IPO7: variants seen among roughly 807,000 people sequenced by gnomAD.
IPO7 encodes importin-7.
Under a neutral mutation model 136.4 loss-of-function variants are expected in IPO7, and 13 were observed. That is an observed-to-expected ratio of 0.10 (90% CI 0.06 to 0.15). IPO7 has a LOEUF of 0.15. Among genes scored for constraint, IPO7 ranks in the 10% least tolerant of loss-of-function variants. The pLI is 1.00. For synonymous variants in IPO7, 403 were observed against 404.4 expected (o/e 1.00, Z 0.04); for missense variants, 857 against 1,240.6 (o/e 0.69, Z 4.65).
Position 9,413,826 on chromosome 11 carries a change from C to G in IPO7, c.480-429C>G, listed in dbSNP as rs912533500. Among the ~76,000 whole-genome samples, 2 of 151,298 alleles carry G rather than the reference C, an allele frequency of 1.3e-5. 1 individual carries two copies. The highest frequency in any genetic ancestry group is 2.9e-5 in the Non-Finnish European group (2 of 67,948). The stretch of plus-strand genomic sequence containing the variant: ...ATTATATTTGTGTGAATAGTAGCAG[C>G]TGATAAATAAAAAATTTCATTATGC... On this transcript the variant is annotated intron_variant, in intron 4 of 24. Coordinates refer to ENST00000379719, the MANE Select transcript of IPO7 (RefSeq NM_006391.3).
Position 9,403,138 on chromosome 11 carries a change from A to G in IPO7, c.85-152A>G, listed in dbSNP as rs142325579. The G allele has an allele frequency of 3.8e-4, 252 of 661,932 alleles. 1 individual carries two copies. The East Asian group carries it at 6.0e-3, about 16-fold the overall frequency. The allele number at this position is 661,932 out of a possible 1,614,324, so 41.0% of individuals were successfully genotyped here. A position where few individuals can be genotyped will look rare whatever the true frequency, so the allele number is the denominator to read the frequency against. On this transcript the variant is annotated intron_variant, in intron 1 of 24. Transcript: ENST00000379719. Reference sequence around the variant, plus strand: ...AAGTCATCAAATTCCTTAAAGTTCAATATAAGGGAGTGATGAGAAATAAGA... The same window carrying G: ...AAGTCATCAAATTCCTTAAAGTTCAGTATAAGGGAGTGATGAGAAATAAGA...
intron 2 of IPO7, among the ~76,000 whole-genome samples, chr11:9,407,913 G>A (rs1854909939): frequency 6.6e-6 from 1 of 152,140 alleles, no homozygotes. Context: ...AATGTGCAAA[G>A]GTAGCAGTAT....
chr11:9,413,070 G>A (rs1381619909), intron 4 of IPO7, among the ~76,000 whole-genome samples: 5 of 151,974 alleles, frequency 3.3e-5, no homozygotes, highest in Admixed American at 6.6e-5. Flanking sequence ...AGTAGAGACG[G>A]GGTTTCACCG....
chr11:9,421,945 A>G (rs563127734), intron 8 of IPO7, among the ~76,000 whole-genome samples: 1 of 151,874 alleles, frequency 6.6e-6, no homozygotes, highest in South Asian at 2.1e-4. Flanking sequence ...CTCCGTCTCA[A>G]AAAAAAGAAA....
intron 6 of IPO7, among the ~76,000 whole-genome samples, chr11:9,419,158 A>G (rs1226878115): frequency 2.0e-5 from 3 of 152,212 alleles, no homozygotes; most frequent in African/African-American, 7.2e-5. Flanking sequence ...TTACTTTACA[A>G]GTAACTTCCA....
At chr11:9,443,531 C>T (rs976693019) in intron 24 of IPO7, among the ~76,000 whole-genome samples, 25 of 142,720 alleles carry the variant, frequency 1.8e-4, no homozygotes, top group African/African-American at 5.8e-4. Context: ...GTGGAGGTTG[C>T]GGTGAGCCGA....
intron 1 of IPO7, among the ~76,000 whole-genome samples, chr11:9,399,545 T>TA (rs1854764331): frequency 6.6e-6 from 1 of 152,178 alleles, no homozygotes; most frequent in Non-Finnish European, 1.5e-5. Context: ...TGGTGAGGAT[T>TA]ACTGTGAGGA....
At chr11:9,424,511 A>C (rs1855176106) in intron 10 of IPO7, among the ~76,000 whole-genome samples, 1 of 152,218 alleles carries the variant, frequency 6.6e-6, no homozygotes, top group South Asian at 2.1e-4. Flanking sequence ...TGGGAGGCCG[A>C]GGCAGGCAGA....
chr11:9,428,469 TTA>T, intron 12 of IPO7, 69 bp from the exon 13 acceptor site: 3 of 663,296 alleles, frequency 4.5e-6, no homozygotes, highest in Non-Finnish European at 8.0e-6. Flanking sequence ...TTTAATAGTG[TTA>T]TATCTGTTTG....
chr11:9,433,453 CTT>C (rs1390898623), intron 16 of IPO7, 115 bp from the exon 17 acceptor site: 20 of 656,704 alleles, frequency 3.0e-5, no homozygotes, highest in Middle Eastern at 4.2e-4. Flanking sequence ...AAAACAAAGA[CTT>C]ATTTTTTTCA....
In IPO7 at chr11:9,419,584, A is replaced by ATG. The variant is rs1321189310; in HGVS notation, c.727-826_727-825insGT. Among the ~76,000 whole-genome samples the ATG allele has an allele frequency of 1.3e-4, 19 of 144,880 alleles. No homozygotes were observed. The South Asian group carries it at 2.4e-3, about 18-fold the overall frequency. On this transcript the variant is annotated intron_variant, in intron 6 of 24. Transcript: ENST00000379719. ...AATATATATATATATATATATATAT[A>ATG]TATGTTATGGATGTCTTAGGTTATT...
rs1284799276 is a variant in IPO7, at chr11:9,447,245, C to T, written c.*2051C>T. ...AATAAAGGTTTTAGTTATTCCCATG[C>T]ACAGTATGAAAATTCTCATTTGCTG... On this transcript the variant is annotated 3_prime_UTR_variant, in exon 25 of 25. Coordinates refer to ENST00000379719, the MANE Select transcript of IPO7 (RefSeq NM_006391.3). 1 of 152,120 alleles carries T rather than the reference C, an allele frequency of 6.6e-6. No individual in the cohort carries two copies. Among genetic ancestry groups the T allele is most frequent in the Non-Finnish European group, 1.5e-5 (1 of 68,022 alleles). The allele number at this position is 152,120 out of a possible 1,614,324, so 9.4% of individuals were successfully genotyped here.
At chr11:9,385,362 CCT>C (rs763726881) in intron 1 of IPO7, among the ~76,000 whole-genome samples, 7 of 152,320 alleles carry the variant, frequency 4.6e-5, no homozygotes, top group South Asian at 4.1e-4. Flanking sequence ...ACAACTTCCT[CCT>C]CTCTGGCTGA....
chr11:9,436,468 GT>G (rs1482339945), intron 20 of IPO7, 102 bp downstream of exon 20: 4 of 688,402 alleles, frequency 5.8e-6, no homozygotes, highest in Admixed American at 5.9e-5. Flanking sequence ...GTATGTTTTT[GT>G]TTATTGAGAC....
At chr11:9,416,357 A>G (rs1054492528) in intron 5 of IPO7, among the ~76,000 whole-genome samples, 14 of 152,220 alleles carry the variant, frequency 9.2e-5, no homozygotes, top group African/African-American at 3.4e-4. Flanking sequence ...TTTGTTAAGT[A>G]ATTTGAATAA....
Position 9,438,273 on chromosome 11 carries a change from G to T in IPO7, c.2683G>T (p.Asp895Tyr). The T allele has an allele frequency of 6.5e-7, 1 of 1,547,724 alleles. No homozygotes were observed. Among genetic ancestry groups the T allele is most frequent in the Non-Finnish European group, 8.9e-7 (1 of 1,121,978 alleles). ...DSDDDDEAED[D>Y]DETEELGSDE... The stretch of plus-strand genomic sequence containing the variant: ...TGATGATGATGATGAAGCTGAAGAT[G>T]ATGATGAAACCGGTAAGGGATTTTC... The change falls in exon 22 of 25, where the codon GAT (aspartate) becomes TAT (tyrosine). Residue 895 changes from aspartate to tyrosine, a missense_variant. Physicochemically the swap from Asp to Tyr is radical, Grantham distance 160. Around this residue, in one of 11 missense-constraint regions of IPO7, gnomAD observed 119 missense variants for 155.5 expected, o/e 0.77. Coordinates refer to ENST00000379719, the MANE Select transcript of IPO7 (RefSeq NM_006391.3).
chr11:9,441,852 ATCGTAAGAATGATTAGAGTT>A (rs1317701068), intron 23 of IPO7, among the ~76,000 whole-genome samples: 3 of 152,216 alleles, frequency 2.0e-5, no homozygotes, highest in Non-Finnish European at 4.4e-5. Flanking sequence ...GGAGAGATGG[ATCGTAAGAATGATTAGAGTT>A]TTTGGAGCCA....
intron 16 of IPO7, among the ~76,000 whole-genome samples, chr11:9,432,866 G>T (rs1855315618): frequency 6.6e-6 from 1 of 152,102 alleles, no homozygotes; most frequent in South Asian, 2.1e-4. Flanking sequence ...GGATTATTGA[G>T]ATTCGTAGCA....
intron 1 of IPO7, among the ~76,000 whole-genome samples, 181 bp downstream of exon 1, chr11:9,385,028 C>T (rs538224771): frequency 6.6e-6 from 1 of 152,270 alleles, no homozygotes; most frequent in South Asian, 2.1e-4. Flanking sequence ...GTGGTGGTGG[C>T]TGCAGCCAAG....
Sources: allele counts gnomAD v4.1 joint callset (sites outside exome capture counted in the v4.1 genomes callset), GRCh38; gene constraint gnomAD v4.1.1; regional missense constraint gnomAD v4.1.1; transcripts MANE v1.5; gene names NCBI Gene and HGNC (gene_info 2026-07-23, HGNC 2026-07-21).